The following RANBP2 variants were observed in gnomAD, a reference collection of about 807,000 sequenced individuals.
The protein encoded by RANBP2 is E3 SUMO-protein ligase RanBP2.
RANBP2 carries 57 observed loss-of-function variants against 303.6 expected under a neutral mutation model. The observed-to-expected ratio is 0.19, with a 90% CI of 0.15 to 0.23. The LOEUF (loss-of-function observed/expected upper bound fraction) is 0.23. RANBP2 is among the 10% of genes least tolerant of loss of function. The pLI, the probability that RANBP2 is intolerant of heterozygous loss-of-function variation, is 1.00. For missense variants in RANBP2, 3,138 were observed against 3,780.8 expected (o/e 0.83, Z 4.46); for synonymous variants, 1,167 against 1,301.5 (o/e 0.90, Z 2.23).
At chr2:108,839,347 T>C in the RANBP2 span, 1 of 1,466,246 alleles carries the variant, frequency 6.8e-7, no homozygotes, top group East Asian at 2.3e-5. Flanking sequence ...CTCCACCTAA[T>C]ATTACTTCTT....
the RANBP2 span, among the ~76,000 whole-genome samples, chr2:109,067,360 G>A: frequency 1.3e-5 from 2 of 152,208 alleles, no homozygotes; most frequent in South Asian, 4.1e-4. Context: ...AAAACACCGT[G>A]GGCAGTGACG....
chr2:109,590,548 C>T, the RANBP2 span, among the ~76,000 whole-genome samples: 1 of 152,066 alleles, frequency 6.6e-6, no homozygotes, highest in Admixed American at 6.6e-5. Context: ...TCTCCTGCCT[C>T]AGCCTCTCGA....
chr2:108,975,851 T>C, the RANBP2 span, among the ~76,000 whole-genome samples: 3 of 152,292 alleles, frequency 2.0e-5, no homozygotes, highest in East Asian at 5.8e-4. Flanking sequence ...CCTCAACTGC[T>C]GGACGGCGTT....
chr2:108,771,762 A>T lies in RANBP2; in HGVS notation c.7911A>T (p.Glu2637Asp), dbSNP rs368160432. ...ATGATGATGTTCTCATTGTATATGA[A>T]CTAACTCCAACCGCTGAGCAGAAAG... is the stretch of plus-strand genomic sequence containing the variant. ...PSDDDVLIVY[E>D]LTPTAEQKAL... Residue 2637 changes from glutamate to aspartate, a missense_variant, in exon 21 of 29, where the codon GAA becomes GAT. Glu to Asp is a conservative substitution (Grantham distance 45). This residue lies in a region of RANBP2 where 497 missense variants were observed against 465.8 expected (regional missense o/e 1.07). Transcript: ENST00000283195. The T allele has an allele frequency of 9.9e-6, 16 of 1,614,024 alleles. No homozygotes were observed. Among genetic ancestry groups the T allele is most frequent in the Non-Finnish European group, 1.4e-5 (16 of 1,179,958 alleles).
chr2:109,291,280 C>CTTT, the RANBP2 span, among the ~76,000 whole-genome samples: 1 of 137,268 alleles, frequency 7.3e-6, no homozygotes, highest in Non-Finnish European at 1.6e-5. Context: ...AGAGTAATCT[C>CTTT]TTTTTTTTTT....
the RANBP2 span, among the ~76,000 whole-genome samples, chr2:109,400,453 ATGCACACACATACACATG>A: frequency 6.6e-6 from 1 of 152,016 alleles, no homozygotes; most frequent in Non-Finnish European, 1.5e-5. Flanking sequence ...CCCCTTCCAC[ATGCACACACATACACATG>A]TGCACACACA....
the RANBP2 span, among the ~76,000 whole-genome samples, chr2:109,438,724 T>C: frequency 6.6e-6 from 1 of 152,182 alleles, no homozygotes; most frequent in African/African-American, 2.4e-5. Flanking sequence ...TGTTTTCTGG[T>C]AGCCTCTAGC....
At chr2:109,005,762 C>T in the RANBP2 span, among the ~76,000 whole-genome samples, 1 of 152,352 alleles carries the variant, frequency 6.6e-6, no homozygotes, top group Middle Eastern at 3.4e-3. Context: ...GGCCACAAAA[C>T]TTTGCTTACC....
At chr2:109,507,840 G>A in the RANBP2 span, among the ~76,000 whole-genome samples, 1 of 152,204 alleles carries the variant, frequency 6.6e-6, no homozygotes, top group Non-Finnish European at 1.5e-5. Flanking sequence ...AAATGATGGG[G>A]CTGGTGTTCC....
the RANBP2 span, among the ~76,000 whole-genome samples, chr2:109,164,515 G>A: frequency 3.9e-5 from 6 of 152,032 alleles, no homozygotes; most frequent in Non-Finnish European, 5.9e-5. Context: ...TAGACTCTTC[G>A]GCCAAGCCTG....
chr2:108,736,895 A>T (rs4012069), intron 6 of RANBP2, among the ~76,000 whole-genome samples: 4 of 152,066 alleles, frequency 2.6e-5, no homozygotes, highest in Admixed American at 6.5e-5. Context: ...GGAATGCAGC[A>T]TGCCTCTGTT....
At chr2:109,255,227 G>A in the RANBP2 span, among the ~76,000 whole-genome samples, 15 of 152,252 alleles carry the variant, frequency 9.9e-5, no homozygotes, top group African/African-American at 1.9e-4. Context: ...TTGGGGCTTC[G>A]GAATAGTGCA....
In RANBP2 at chr2:108,768,949, A is replaced by G. The variant is rs2177858; in HGVS notation, c.7849+561A>G. On this transcript the variant is annotated intron_variant, in intron 20 of 28. Coordinates refer to ENST00000283195, the MANE Select transcript of RANBP2 (RefSeq NM_006267.5). Reference sequence around the variant, plus strand: ...CTTAGGAGGCTGAGGCAGGAGGATCACTTGAGCACAGGAGATGGAGGTAGC... The same window carrying G: ...CTTAGGAGGCTGAGGCAGGAGGATCGCTTGAGCACAGGAGATGGAGGTAGC... 7.9e-4 allele frequency among the ~76,000 whole-genome samples: 120 copies of G among 152,060 alleles called. No individual in the cohort carries two copies. The East Asian group carries it at 9.9e-3, about 13-fold the overall frequency.
the RANBP2 span, among the ~76,000 whole-genome samples, chr2:109,197,341 G>T: frequency 6.6e-6 from 1 of 152,292 alleles, no homozygotes; most frequent in South Asian, 2.1e-4. Flanking sequence ...GGTTAAGAAG[G>T]GAAGGGAAGG....
the RANBP2 span, among the ~76,000 whole-genome samples, chr2:108,851,535 C>G: frequency 1.3e-5 from 2 of 152,152 alleles, no homozygotes; most frequent in Non-Finnish European, 2.9e-5. Context: ...CTCCTGAATT[C>G]AGGTGATCCG....
At chr2:108,725,506 A>G (rs1476571328) in intron 1 of RANBP2, among the ~76,000 whole-genome samples, 3 of 152,238 alleles carry the variant, frequency 2.0e-5, no homozygotes, top group Non-Finnish European at 4.4e-5. Flanking sequence ...TGACGCCTGT[A>G]ATCCCAGCAC....
At chr2:109,378,029 A>G in the RANBP2 span, among the ~76,000 whole-genome samples, 3 of 152,318 alleles carry the variant, frequency 2.0e-5, no homozygotes, top group South Asian at 6.2e-4. Flanking sequence ...TTGCCATTTT[A>G]CCTTGGTCTT....
At chr2:109,193,878 C>T in the RANBP2 span, among the ~76,000 whole-genome samples, 4 of 152,178 alleles carry the variant, frequency 2.6e-5, no homozygotes, top group African/African-American at 9.7e-5. Flanking sequence ...TGATAATCTC[C>T]GTTTACAGGG....
the RANBP2 span, among the ~76,000 whole-genome samples, chr2:108,934,771 G>A: frequency 6.6e-6 from 1 of 152,216 alleles, no homozygotes; most frequent in Non-Finnish European, 1.5e-5. Flanking sequence ...CATGAGGGCA[G>A]AGCCTCACGA....
Sources: allele counts gnomAD v4.1 joint callset (sites outside exome capture counted in the v4.1 genomes callset), GRCh38; gene constraint gnomAD v4.1.1; regional missense constraint gnomAD v4.1.1; transcripts MANE v1.5; gene names NCBI Gene and HGNC (gene_info 2026-07-23, HGNC 2026-07-21).